Variants in SLC9A7 observed in about 807,000 individuals in gnomAD.
The protein encoded by SLC9A7 is sodium/hydrogen exchanger 7.
A neutral mutation model predicts 52.6 loss-of-function variants in SLC9A7; 19 were observed. The observed-to-expected ratio is 0.36, with a 90% CI of 0.25 to 0.53. The LOEUF is 0.53. Among genes scored for constraint, SLC9A7 ranks in the 20% least tolerant of loss-of-function variants. The pLI is 0.91. For missense variants in SLC9A7, 455 were observed against 597.9 expected, an observed-to-expected ratio of 0.76 and a Z score of 2.49; for synonymous variants, 226 against 252.1, an observed-to-expected ratio of 0.90 and a Z score of 0.98.
At chrX:46,700,002 G>C (rs1046029112) in intron 1 of SLC9A7, among the ~76,000 whole-genome samples, 1 of 109,642 alleles carries the variant, frequency 9.1e-6, no homozygotes, top group Non-Finnish European at 1.9e-5. Context: ...CTACTCGGGA[G>C]GCTGAGATGG....
chrX:46,613,002 T>C (rs1261468147), intron 16 of SLC9A7, among the ~76,000 whole-genome samples: 1 of 103,319 alleles, frequency 9.7e-6, no homozygotes, highest in African/African-American at 3.5e-5. Context: ...AGCACATCTA[T>C]GGCCTGTCAG....
intron 1 of SLC9A7, among the ~76,000 whole-genome samples, chrX:46,751,867 C>T (rs1922258860): frequency 8.9e-6 from 1 of 111,871 alleles, no homozygotes; most frequent in Non-Finnish European, 1.9e-5. Context: ...AACTTCACCT[C>T]AGGTAAACTA....
In SLC9A7 at chrX:46,738,031, A is replaced by AAAAGAAAGAAAG. The variant is rs58544637; in HGVS notation, c.325+20662_325+20673dup. ...AACAGAGTGAGACCCTGTCTCAAAA[A>AAAAGAAAGAAAG]AAAGAAAGAAAGAAAGAAAGAAAGA... is the stretch of plus-strand genomic sequence containing the variant. On this transcript the variant is annotated intron_variant, in intron 1 of 16. Transcript: ENST00000616978. Among the ~76,000 whole-genome samples, 33 of 70,387 alleles carry AAAAGAAAGAAAG rather than the reference A, an allele frequency of 4.7e-4. 1 individual carries two copies. Among genetic ancestry groups the AAAAGAAAGAAAG allele is most frequent in the African/African-American group, 7.2e-4 (11 of 15,295 alleles). The allele number at this position is 70,387 out of a possible 115,157, so 61.1% of individuals were successfully genotyped here.
chrX:46,694,809 C>T (rs1944426470), intron 1 of SLC9A7, among the ~76,000 whole-genome samples: 2 of 112,114 alleles, frequency 1.8e-5, no homozygotes, highest in African/African-American at 6.5e-5. Flanking sequence ...TTATTCATAA[C>T]AGCAAAAAAA....
chrX:46,656,775 G>A (rs1171358556), intron 7 of SLC9A7, among the ~76,000 whole-genome samples: 1 of 111,094 alleles, frequency 9.0e-6, no homozygotes, highest in Non-Finnish European at 1.9e-5. Flanking sequence ...CAGGGAGAAT[G>A]GAACCAAGTT....
At chrX:46,657,247 G>A (rs1275143328) in intron 7 of SLC9A7, among the ~76,000 whole-genome samples, 9 of 110,158 alleles carry the variant, frequency 8.2e-5, no homozygotes, top group South Asian at 7.9e-4. Flanking sequence ...AGGAACAACC[G>A]GTACCAGCCA....
In SLC9A7 at chrX:46,613,374, G is replaced by A; in HGVS notation, c.1844C>T (p.Thr615Ile). 8.4e-7 allele frequency: 1 copy of A among 1,197,258 alleles called. No individual in the cohort carries two copies. Among genetic ancestry groups the A allele is most frequent in the South Asian group, 1.8e-5 (1 of 55,121 alleles). ...GGTGGTTAGTGGGGGACCACTGTGT[G>A]TGAGGATGGGCTTCAGGTAACTTTA... Reference protein sequence around the residue: ...FDHNYLKPILTHSGPPLTTTL... With the variant: ...FDHNYLKPILIHSGPPLTTTL... The change falls in exon 16 of 17, where the codon ACA becomes ATA. Residue 615 changes from threonine to isoleucine, a missense_variant. Physicochemically the swap from Thr to Ile is moderately conservative, Grantham distance 89. Transcript: ENST00000616978.
At chrX:46,622,149 C>T (rs767030860) in intron 14 of SLC9A7, among the ~76,000 whole-genome samples, 1 of 111,823 alleles carries the variant, frequency 8.9e-6, no homozygotes, top group African/African-American at 3.2e-5. Context: ...ATTGAATCCC[C>T]TCGGTATTTC....
chrX:46,731,540 T>C (rs890158439), intron 1 of SLC9A7, among the ~76,000 whole-genome samples: 3 of 108,730 alleles, frequency 2.8e-5, no homozygotes, highest in African/African-American at 9.9e-5. Context: ...AGTTTGAGAT[T>C]ACAGTGAGCT....
intron 1 of SLC9A7, among the ~76,000 whole-genome samples, chrX:46,692,540 C>T (rs1038611708): frequency 9.0e-6 from 1 of 111,247 alleles, no homozygotes; most frequent in Non-Finnish European, 1.9e-5. Context: ...TCCAATTATC[C>T]ATCACATTTA....
At chrX:46,744,345 C>T (rs1921579545) in intron 1 of SLC9A7, among the ~76,000 whole-genome samples, 1 of 112,649 alleles carries the variant, frequency 8.9e-6, no homozygotes, top group Non-Finnish European at 1.9e-5. Context: ...CTAATTAGAA[C>T]AGGGTTCTAC....
chrX:46,732,470 T>C (rs1331902346), intron 1 of SLC9A7, among the ~76,000 whole-genome samples: 2 of 110,006 alleles, frequency 1.8e-5, no homozygotes, highest in Non-Finnish European at 3.8e-5. Context: ...AGAGAATCGC[T>C]TGAACCCGGG....
intron 3 of SLC9A7, among the ~76,000 whole-genome samples, chrX:46,676,095 T>C (rs1439151023): frequency 9.0e-6 from 1 of 111,337 alleles, no homozygotes; most frequent in East Asian, 2.8e-4. Flanking sequence ...AGTGTTTCCC[T>C]GAGTTCTGTG....
chrX:46,694,879 T>C (rs1271349645), intron 1 of SLC9A7, among the ~76,000 whole-genome samples: 2 of 112,157 alleles, frequency 1.8e-5, no homozygotes, highest in East Asian at 2.8e-4. Flanking sequence ...GGTCTATCCA[T>C]ACAGTAGAAA....
intron 1 of SLC9A7, among the ~76,000 whole-genome samples, chrX:46,718,855 T>G (rs1944813677): frequency 1.8e-5 from 2 of 112,088 alleles, no homozygotes; most frequent in South Asian, 3.7e-4. Context: ...GGTGGGACTG[T>G]AAACTAGTTC....
At chrX:46,725,530 G>C (rs1255717609) in intron 1 of SLC9A7, 1 of 951,002 alleles carries the variant, frequency 1.1e-6, no homozygotes, top group African/African-American at 1.9e-5. Flanking sequence ...TTCAATGACT[G>C]GATGGTATAA....
intron 1 of SLC9A7, among the ~76,000 whole-genome samples, chrX:46,744,041 C>T (rs1921557246): frequency 8.9e-6 from 1 of 112,589 alleles, no homozygotes; most frequent in Admixed American, 9.4e-5. Context: ...CAGCTCTATG[C>T]TATCAGAGAC....
chrX:46,620,323 G>A (rs1198303292), intron 15 of SLC9A7, among the ~76,000 whole-genome samples: 1 of 111,523 alleles, frequency 9.0e-6, no homozygotes, highest in Non-Finnish European at 1.9e-5. Context: ...TTGGGAGGCT[G>A]AGGTGGGAGA....
At chrX:46,694,572 C>G (rs931354342) in intron 1 of SLC9A7, among the ~76,000 whole-genome samples, 7 of 111,663 alleles carry the variant, frequency 6.3e-5, no homozygotes, top group African/African-American at 2.3e-4. Context: ...TGGCAATTAT[C>G]AGAAATACAG....
Sources: gnomAD v4.1 joint callset for allele counts (sites outside exome capture counted in the v4.1 genomes callset) on GRCh38, gnomAD v4.1.1 for gene constraint, MANE v1.5 for transcripts, NCBI Gene and HGNC (gene_info 2026-07-23, HGNC 2026-07-21) for gene names.